The following SEMA6D variants were observed in gnomAD, a reference collection of about 807,000 sequenced individuals.
The protein encoded by SEMA6D is semaphorin 6D.
In SEMA6D, 35 loss-of-function variants were observed where a neutral mutation model predicts 106.6. The ratio of observed to expected loss-of-function variants is 0.33; its 90% confidence interval spans 0.25 to 0.44. The LOEUF (loss-of-function observed/expected upper bound fraction) is 0.44. Among genes scored for constraint, SEMA6D ranks in the 20% least tolerant of loss-of-function variants. SEMA6D has a pLI of 1.00. For synonymous variants in SEMA6D, 499 were observed against 487.7 expected (o/e 1.02, Z -0.31); for missense variants, 1,185 against 1,345.9 (o/e 0.88, Z 1.87).
chr15:47,761,863 T>G, intron 7 of SEMA6D, 112 bp downstream of exon 7: 1 of 925,546 alleles, frequency 1.1e-6, no homozygotes, highest in Admixed American at 2.8e-5. Flanking sequence ...GATCTAAGTG[T>G]TCGAAAGGCT....
intron 1 of SEMA6D, among the ~76,000 whole-genome samples, chr15:47,757,471 A>G (rs184218370): frequency 5.9e-5 from 9 of 152,304 alleles, no homozygotes; most frequent in African/African-American, 2.2e-4. Context: ...TAGTATGGAA[A>G]AGCAAGACAA....
At chr15:47,452,211 G>A (rs909590298) in intron 2 of SEMA6D, among the ~76,000 whole-genome samples, 4 of 151,732 alleles carry the variant, frequency 2.6e-5, no homozygotes, top group African/African-American at 9.7e-5. Flanking sequence ...TAATAACGAT[G>A]AGGCAAATCA....
At chr15:47,736,111 T>A (rs986120036) in intron 1 of SEMA6D, among the ~76,000 whole-genome samples, 1 of 152,200 alleles carries the variant, frequency 6.6e-6, no homozygotes, top group Non-Finnish European at 1.5e-5. Context: ...TTTATTTTAT[T>A]TTATTTTGTT....
chr15:47,686,300 C>T (rs1301111288), intron 4 of SEMA6D, among the ~76,000 whole-genome samples: 1 of 152,168 alleles, frequency 6.6e-6, no homozygotes, highest in African/African-American at 2.4e-5. Context: ...AGAAGAATTA[C>T]TTAACTAAGT....
chr15:47,743,102 A>G (rs1278627583), intron 1 of SEMA6D, among the ~76,000 whole-genome samples: 1 of 152,150 alleles, frequency 6.6e-6, no homozygotes, highest in African/African-American at 2.4e-5. Flanking sequence ...CAACTTAGGA[A>G]ATGGGCCGGA....
chr15:47,241,696 T>C (rs1322746046), intron 1 of SEMA6D, among the ~76,000 whole-genome samples: 3 of 148,212 alleles, frequency 2.0e-5, no homozygotes, highest in Non-Finnish European at 4.5e-5. Flanking sequence ...AAGAAAACGA[T>C]GGAAAAAAAA....
At chr15:47,566,658 C>T (rs1442571662) in intron 3 of SEMA6D, among the ~76,000 whole-genome samples, 3 of 152,210 alleles carry the variant, frequency 2.0e-5, no homozygotes, top group Non-Finnish European at 4.4e-5. Context: ...TGGACTGTAC[C>T]ACTTACAGAT....
At chr15:47,603,721 C>A (rs1000110728) in intron 4 of SEMA6D, among the ~76,000 whole-genome samples, 1 of 151,938 alleles carries the variant, frequency 6.6e-6, no homozygotes, top group Non-Finnish European at 1.5e-5. Flanking sequence ...AAGTCCCCTC[C>A]CCCTCGCCCC....
chr15:47,317,658 T>C (rs1351810615), intron 1 of SEMA6D, among the ~76,000 whole-genome samples: 1 of 152,164 alleles, frequency 6.6e-6, no homozygotes, highest in East Asian at 1.9e-4. Context: ...CACTCCCAAC[T>C]CAATACTGTA....
rs369599179 is a variant in SEMA6D at position 47,403,783 on chromosome 15, G to A, written c.-238-8610G>A. 8.5e-5 allele frequency among the ~76,000 whole-genome samples: 13 copies of A among 152,250 alleles called. No homozygotes were observed. In the East Asian group the frequency reaches 1.2e-3, roughly 14 times the overall value. ...TGAAGCAGTGCAGAGCGGCCGGTGT[G>A]GGAGATGGGGCTGGCTCTTCCTTTG... On this transcript the variant is annotated intron_variant, in intron 1 of 19. Coordinates refer to the SEMA6D transcript ENST00000558014.
Position 47,771,851 on chromosome 15 carries a change from G to C in SEMA6D, c.*66G>C. On this transcript the variant is annotated 3_prime_UTR_variant, in exon 19 of 19. Coordinates refer to ENST00000536845, the MANE Select transcript of SEMA6D (RefSeq NM_001358351.3). ...TGTTGTTGAGAGGATGATGTTGTAAGGGTACCTTAAAACAAGAGACTCGCT... is the reference window on the plus strand; with the variant it reads ...TGTTGTTGAGAGGATGATGTTGTAACGGTACCTTAAAACAAGAGACTCGCT... The C allele has an allele frequency of 1.4e-6, 2 of 1,464,114 alleles. No individual in the cohort carries two copies. The highest frequency in any genetic ancestry group is 1.9e-6 in the Non-Finnish European group (2 of 1,077,240). The allele number at this position is 1,464,114 out of a possible 1,614,324, so 90.7% of individuals were successfully genotyped here.
intron 1 of SEMA6D, among the ~76,000 whole-genome samples, chr15:47,312,297 A>G (rs1444351079): frequency 1.3e-5 from 2 of 151,896 alleles, no homozygotes; most frequent in African/African-American, 4.8e-5. Context: ...CAGTGTTCTC[A>G]CTCTGATACT....
At chr15:47,292,479 CT>C (rs200734066) in intron 1 of SEMA6D, among the ~76,000 whole-genome samples, 124 of 151,210 alleles carry the variant, frequency 8.2e-4, no homozygotes, top group Non-Finnish European at 1.5e-3. Context: ...GCAATGCTTT[CT>C]TTTTTTTTAT....
intron 1 of SEMA6D, among the ~76,000 whole-genome samples, chr15:47,238,913 C>T (rs779380069): frequency 1.3e-5 from 2 of 152,190 alleles, no homozygotes; most frequent in Non-Finnish European, 2.9e-5. Flanking sequence ...AAACCTCCTT[C>T]AGTTTGCATA....
chr15:47,593,220 C>T (rs564536277), intron 3 of SEMA6D, among the ~76,000 whole-genome samples: 24 of 151,916 alleles, frequency 1.6e-4, no homozygotes, highest in African/African-American at 5.1e-4. Flanking sequence ...CTGGCTAACA[C>T]GGTAAAACCC....
intron 1 of SEMA6D, among the ~76,000 whole-genome samples, chr15:47,391,457 T>C (rs1182838265): frequency 6.6e-6 from 1 of 152,166 alleles, no homozygotes; most frequent in Admixed American, 6.5e-5. Context: ...CAATGGTTCC[T>C]ATTACTGCTT....
chr15:47,399,786 A>T (rs2040336920), intron 1 of SEMA6D, among the ~76,000 whole-genome samples: 1 of 152,224 alleles, frequency 6.6e-6, no homozygotes, highest in African/African-American at 2.4e-5. Flanking sequence ...TTGTGTGAGG[A>T]TGAACATCAA....
At chr15:47,608,185 A>G (rs907338896) in intron 4 of SEMA6D, among the ~76,000 whole-genome samples, 4 of 152,178 alleles carry the variant, frequency 2.6e-5, no homozygotes, top group South Asian at 2.1e-4. Flanking sequence ...AAGGAACATG[A>G]TGGTAATTTA....
At chr15:47,250,727 C>A (rs2033470358) in intron 1 of SEMA6D, among the ~76,000 whole-genome samples, 1 of 152,188 alleles carries the variant, frequency 6.6e-6, no homozygotes, top group Admixed American at 6.5e-5. Flanking sequence ...GTGGAATGAG[C>A]CACCCCAGAT....
Sources: allele counts gnomAD v4.1 joint callset (sites outside exome capture counted in the v4.1 genomes callset), GRCh38; gene constraint gnomAD v4.1.1; transcripts MANE v1.5; gene names NCBI Gene and HGNC (gene_info 2026-07-23, HGNC 2026-07-21).